The following LRBA variants were observed in gnomAD, a reference collection of about 807,000 sequenced individuals.
The protein encoded by LRBA is LPS responsive beige-like anchor protein, also known as lipopolysaccharide-responsive and beige-like anchor protein.
LRBA carries 176 observed loss-of-function variants against 330.0 expected under a neutral mutation model. That is an observed-to-expected ratio of 0.53 (90% confidence interval 0.47 to 0.60). LRBA has a LOEUF of 0.60. Among genes scored for constraint, LRBA ranks in the 20% least tolerant of loss-of-function variants. The pLI is 0.00. For missense variants in LRBA, 3,259 were observed against 3,444.8 expected (o/e 0.95, Z 1.35); for synonymous variants, 1,230 against 1,193.0 (o/e 1.03, Z -0.64).
rs868249769 is a variant in LRBA, at chr4:150,963,236, G to A, written c.217-34171C>T. 4.7e-5 allele frequency among the ~76,000 whole-genome samples: 7 copies of A among 148,474 alleles called. 2 individuals are homozygous for A. Among genetic ancestry groups the A allele is most frequent in the African/African-American group, 1.3e-4 (5 of 38,014 alleles). ...TTGCACGGTCTCCCTCTGATGCCGAGCCGAGGCTGGACTGTACTGCTGCCA... is the reference window on the plus strand; with the variant it reads ...TTGCACGGTCTCCCTCTGATGCCGAACCGAGGCTGGACTGTACTGCTGCCA... On this transcript the variant is annotated intron_variant, in intron 2 of 56. Transcript: ENST00000651943.
intron 4 of LRBA, among the ~76,000 whole-genome samples, chr4:150,922,394 G>GTATATATATA (rs56340108): frequency 0.022 from 3,124 of 139,586 alleles, 43 homozygotes; most frequent in South Asian, 0.035. Flanking sequence ...AGAAACTGTG[G>GTATATATATA]TATATATATA....
chr4:150,815,779 A>AT (rs1374270695), intron 31 of LRBA, among the ~76,000 whole-genome samples: 10 of 151,928 alleles, frequency 6.6e-5, no homozygotes, highest in Admixed American at 2.6e-4. Flanking sequence ...TGACTTCATA[A>AT]TACACTTTCT....
chr4:150,424,633 A>G (rs1403725223), intron 46 of LRBA, among the ~76,000 whole-genome samples: 9 of 152,036 alleles, frequency 5.9e-5, no homozygotes, highest in South Asian at 2.1e-4. Flanking sequence ...ACACACGCAC[A>G]CACACACACA....
chr4:150,600,793 A>C (rs1774036813), intron 37 of LRBA, among the ~76,000 whole-genome samples: 1 of 152,240 alleles, frequency 6.6e-6, no homozygotes. Context: ...TTTTAACTCA[A>C]TTAATAAAAT....
At chr4:150,998,151 G>A (rs1742896681) in intron 2 of LRBA, among the ~76,000 whole-genome samples, 1 of 151,594 alleles carries the variant, frequency 6.6e-6, no homozygotes, top group African/African-American at 2.4e-5. Flanking sequence ...TGGGAGTTCG[G>A]GACTGGCCTG....
chr4:150,866,730 T>C (rs566215952), intron 22 of LRBA, among the ~76,000 whole-genome samples: 9 of 152,220 alleles, frequency 5.9e-5, no homozygotes, highest in East Asian at 1.9e-4. Context: ...GGTAAATAAA[T>C]AGTCATGTCA....
chr4:150,730,692 A>G lies in LRBA; in HGVS notation c.5754+4566T>C, dbSNP rs558907772. ...AGTGAGGCTCTGAAAAAAAAAAAAA[A>G]AAAGAAAGAAAAGAAAAGAGAAAAG... On this transcript the variant is annotated intron_variant, in intron 36 of 56. Coordinates refer to ENST00000651943, the MANE Select transcript of LRBA (RefSeq NM_001364905.1). Among the ~76,000 whole-genome samples, 150 of 151,144 alleles carry G rather than the reference A, an allele frequency of 9.9e-4. 1 individual carries two copies. Among genetic ancestry groups the G allele is most frequent in the East Asian group, 1.2e-3 (6 of 5,136 alleles).
rs532215215 is a variant in LRBA, at chr4:150,963,528, A to C, written c.217-34463T>G. On this transcript the variant is annotated intron_variant, in intron 2 of 56. Transcript: ENST00000651943. ...CTGGAGTGCAGTGGCGTGATCTCGA[A>C]TCGCTACAACCTCCACCTCCCAGCC... Among the ~76,000 whole-genome samples the C allele has an allele frequency of 1.6e-3, 237 of 149,388 alleles. 4 individuals carry two copies. The East Asian group carries it at 0.025, about 16-fold the overall frequency.
chr4:150,316,417 G>A (rs930532866), intron 50 of LRBA, among the ~76,000 whole-genome samples: 2 of 152,168 alleles, frequency 1.3e-5, no homozygotes, highest in African/African-American at 2.4e-5. Context: ...AAGGACTTTC[G>A]GTAGAGAGGA....
At chr4:150,672,352 C>CT (rs111964361) in intron 37 of LRBA, among the ~76,000 whole-genome samples, 1,547 of 141,240 alleles carry the variant, frequency 0.011, 19 homozygotes, top group Admixed American at 0.029. Context: ...TCGATTTTTT[C>CT]TTTTTTTTTT....
intron 37 of LRBA, among the ~76,000 whole-genome samples, chr4:150,649,110 T>C (rs1008207860): frequency 1.3e-5 from 2 of 152,186 alleles, no homozygotes; most frequent in African/African-American, 4.8e-5. Context: ...ACTGTCCTAG[T>C]TTGGGCACTT....
chr4:150,967,913 C>A (rs968501426), intron 2 of LRBA, among the ~76,000 whole-genome samples: 1 of 152,032 alleles, frequency 6.6e-6, no homozygotes, highest in African/African-American at 2.4e-5. Flanking sequence ...TTGGGCCACC[C>A]TATTATCTGA....
chr4:150,465,247 G>A (rs1755297885), intron 44 of LRBA, among the ~76,000 whole-genome samples: 1 of 151,966 alleles, frequency 6.6e-6, no homozygotes, highest in Non-Finnish European at 1.5e-5. Context: ...TCCTTTTTAA[G>A]GCTGAATAAT....
rs149097195 is a variant in LRBA at position 150,642,097 on chromosome 4, T to C, written c.5921+41454A>G. Among the ~76,000 whole-genome samples, 697 of 152,150 alleles carry C rather than the reference T, an allele frequency of 4.6e-3. 6 individuals are homozygous for C. The highest frequency in any genetic ancestry group is 0.016 in the African/African-American group (666 of 41,562). ...TTTAAACAAAAAATTGAAATTGCTT[T>C]GGACATTTTGATTAGTAAAATATGT... On this transcript the variant is annotated intron_variant, in intron 37 of 56. Coordinates refer to ENST00000651943, the MANE Select transcript of LRBA (RefSeq NM_001364905.1).
intron 53 of LRBA, among the ~76,000 whole-genome samples, chr4:150,286,312 A>T (rs1748124291): frequency 6.6e-6 from 1 of 152,248 alleles, no homozygotes; most frequent in Non-Finnish European, 1.5e-5. Context: ...AAAATGCCTC[A>T]TAAAAAATCA....
chr4:150,950,765 T>C (rs1335723523), intron 2 of LRBA, among the ~76,000 whole-genome samples: 1 of 152,194 alleles, frequency 6.6e-6, no homozygotes, highest in Non-Finnish European at 1.5e-5. Flanking sequence ...TTCCATCCTC[T>C]TCCATTTATG....
chr4:150,282,392 C>G lies in LRBA; in HGVS notation c.8316+58G>C, dbSNP rs905715710. 26 of 1,479,366 alleles carry G rather than the reference C, an allele frequency of 1.8e-5. No individual in the cohort carries two copies. The African/African-American group carries it at 2.7e-4, about 15-fold the overall frequency. The allele number at this position is 1,479,366 out of a possible 1,614,324, so 91.6% of individuals were successfully genotyped here. ...TTCTTTCGCGAACCCTCTCCCTCCC[C>G]ACTTGACACACGTTGAGGTAAAAGT... On this transcript the variant is annotated intron_variant, in intron 55 of 56. Transcript: ENST00000651943.
chr4:150,707,544 G>T (rs933503469), intron 36 of LRBA, among the ~76,000 whole-genome samples: 3 of 151,442 alleles, frequency 2.0e-5, no homozygotes, highest in Non-Finnish European at 4.4e-5. Context: ...AGGAAGATAA[G>T]AAATAAAAAA....
chr4:150,398,113 T>G (rs1284952047), intron 47 of LRBA, among the ~76,000 whole-genome samples: 1 of 152,148 alleles, frequency 6.6e-6, no homozygotes, highest in African/African-American at 2.4e-5. Context: ...TGGCAAGAGT[T>G]TTTCTCCACA....
Sources: gnomAD v4.1 joint callset for allele counts (sites outside exome capture counted in the v4.1 genomes callset) on GRCh38, gnomAD v4.1.1 for gene constraint, MANE v1.5 for transcripts, NCBI Gene and HGNC (gene_info 2026-07-23, HGNC 2026-07-21) for gene names.